Variants in TBC1D4 observed in about 807,000 individuals in gnomAD.
TBC1D4 encodes the protein TBC (Tre-2, BUB2, CDC16) domain-containing protein.
TBC1D4 carries 121 observed loss-of-function variants against 142.5 expected under a neutral mutation model. The ratio of observed to expected loss-of-function variants is 0.85; its 90% confidence interval spans 0.73 to 0.99. The LOEUF (loss-of-function observed/expected upper bound fraction) is 0.99. Ranked by LOEUF, TBC1D4 falls within the 50% of genes least tolerant of loss-of-function variation. The pLI, the probability that TBC1D4 is intolerant of heterozygous loss-of-function variation, is 0.00. For synonymous variants in TBC1D4, 630 were observed against 628.2 expected, an observed-to-expected ratio of 1.00 and a Z score of -0.04; for missense variants, 1,475 against 1,606.6, an observed-to-expected ratio of 0.92 and a Z score of 1.40.
At chr13:75,310,601 A>T (rs1248654778) in intron 13 of TBC1D4, among the ~76,000 whole-genome samples, 1 of 151,922 alleles carries the variant, frequency 6.6e-6, no homozygotes, top group Non-Finnish European at 1.5e-5. Context: ...TGAGCACAGT[A>T]CTCCCTCTGC....
intron 1 of TBC1D4, among the ~76,000 whole-genome samples, chr13:75,435,388 T>C (rs1886759743): frequency 6.6e-6 from 1 of 151,404 alleles, no homozygotes; most frequent in Admixed American, 6.6e-5. Context: ...AGTGACATAA[T>C]TAAAACATCT....
intron 3 of TBC1D4, among the ~76,000 whole-genome samples, chr13:75,358,621 G>A (rs1353512638): frequency 2.6e-5 from 4 of 152,096 alleles, no homozygotes; most frequent in Non-Finnish European, 5.9e-5. Flanking sequence ...GGCCAAAGCA[G>A]GAAGATCTTG....
Position 75,336,903 on chromosome 13 carries a change from C to T in TBC1D4, c.1731+18G>A. 6.2e-7 allele frequency: 1 copy of T among 1,613,248 alleles called. No individual in the cohort carries two copies. On this transcript the variant is annotated intron_variant, in intron 8 of 20. Transcript: ENST00000377636. The stretch of plus-strand genomic sequence containing the variant: ...AACACAGATATGCATACTTGAAAGA[C>T]CATTGGTGCAATCTTACCCTTGAGA...
At chr13:75,421,369 C>T (rs949043665) in intron 1 of TBC1D4, among the ~76,000 whole-genome samples, 1 of 152,198 alleles carries the variant, frequency 6.6e-6, no homozygotes, top group Non-Finnish European at 1.5e-5. Flanking sequence ...ACTTTGTGAA[C>T]TCAGCTGGGG....
At position 75,407,870 on chromosome 13, in the gene TBC1D4, G is replaced by GA. The variant is rs768556257; in HGVS notation, c.499-45264dup. 4.5e-3 allele frequency among the ~76,000 whole-genome samples: 642 copies of GA among 144,258 alleles called. 3 individuals carry two copies. Among genetic ancestry groups the GA allele is most frequent in the Non-Finnish European group, 7.2e-3 (473 of 65,440 alleles). The allele number at this position is 144,258 out of a possible 152,430, so 94.6% of individuals were successfully genotyped here. ...CGGCTTGATCAGGAGAGAGAAAATA[G>GA]AAAAAAAAAAGAAAAGAGATGGTAC... On this transcript the variant is annotated intron_variant, in intron 1 of 20. Transcript: ENST00000377636.
intron 4 of TBC1D4, among the ~76,000 whole-genome samples, chr13:75,353,790 T>TTGCACAC (rs1314360066): frequency 1.3e-5 from 2 of 152,128 alleles, no homozygotes; most frequent in African/African-American, 4.8e-5. Context: ...AACTAAAGCA[T>TTGCACAC]TGCACACTCT....
At position 75,383,633 on chromosome 13, in the gene TBC1D4, CTTA is replaced by C. The variant is rs925039678; in HGVS notation, c.499-21029_499-21027del. 9.9e-5 allele frequency among the ~76,000 whole-genome samples: 15 copies of C among 152,062 alleles called. No individual in the cohort carries two copies. In the South Asian group the frequency reaches 1.7e-3, roughly 17 times the overall value. ...CAGTATATTGTTATAATTGTTCTGT[CTTA>C]TTATTATTGTTGCTAATTTCTTGCT... On this transcript the variant is annotated intron_variant, in intron 1 of 20. Transcript: ENST00000377636.
At chr13:75,471,687 G>A (rs1254109700) in intron 1 of TBC1D4, among the ~76,000 whole-genome samples, 9 of 150,970 alleles carry the variant, frequency 6.0e-5, no homozygotes, top group African/African-American at 1.2e-4. Flanking sequence ...GCAGTGAGCC[G>A]AGATTGGGCC....
intron 14 of TBC1D4, among the ~76,000 whole-genome samples, chr13:75,309,125 A>T (rs1469399857): frequency 2.6e-5 from 4 of 152,174 alleles, no homozygotes; most frequent in Non-Finnish European, 5.9e-5. Flanking sequence ...GTTTCATTTT[A>T]CAAGTGTAAA....
At chr13:75,404,277 C>T (rs138685909) in intron 1 of TBC1D4, among the ~76,000 whole-genome samples, 32 of 152,280 alleles carry the variant, frequency 2.1e-4, no homozygotes, top group Non-Finnish European at 4.7e-4. Flanking sequence ...TTTAGATTTA[C>T]AGAAAAGGTG....
intron 1 of TBC1D4, among the ~76,000 whole-genome samples, chr13:75,419,590 G>A (rs949224026): frequency 2.0e-5 from 3 of 152,106 alleles, no homozygotes; most frequent in Admixed American, 6.6e-5. Flanking sequence ...TGAAATTACA[G>A]CAGGAAATGA....
intron 1 of TBC1D4, among the ~76,000 whole-genome samples, chr13:75,382,910 T>C (rs2138263299): frequency 6.6e-6 from 1 of 152,378 alleles, no homozygotes; most frequent in Middle Eastern, 3.4e-3. Flanking sequence ...CTTCTTTTAA[T>C]CTGTTTACTA....
At chr13:75,343,171 T>C (rs976221121) in intron 5 of TBC1D4, among the ~76,000 whole-genome samples, 1 of 152,236 alleles carries the variant, frequency 6.6e-6, no homozygotes, top group Admixed American at 6.5e-5. Context: ...ACTGATTTAA[T>C]AGATTTGAGC....
At position 75,359,854 on chromosome 13, in the gene TBC1D4, C is replaced by A; in HGVS notation, c.1085G>T (p.Gly362Val). 1 of 1,613,148 alleles carries A rather than the reference C, an allele frequency of 6.2e-7. No homozygotes were observed. Among genetic ancestry groups the A allele is most frequent in the Non-Finnish European group, 8.5e-7 (1 of 1,179,428 alleles). ...ACTGATAAGGTTAATCTCAAATCGC[C>A]CAACCTTAAAAATAAAAGCATTCCA... ...EKNRTMLFQV[G>V]RFEINLISPD... Residue 362 changes from glycine (G) to valine (V), a missense_variant, in exon 3 of 21, where the codon GGG (glycine) becomes GTG (valine). This residue lies in a region of TBC1D4 where 1,227 missense variants were observed against 1,267.7 expected (regional missense o/e 0.97). Transcript: ENST00000377636.
chr13:75,477,285 T>C (rs1232217794), intron 1 of TBC1D4, among the ~76,000 whole-genome samples: 6 of 152,130 alleles, frequency 3.9e-5, no homozygotes, highest in Admixed American at 3.3e-4. Flanking sequence ...TAAAAATATA[T>C]TGACAAAAAA....
chr13:75,447,388 T>C (rs796673589), intron 1 of TBC1D4, among the ~76,000 whole-genome samples: 45 of 152,242 alleles, frequency 3.0e-4, no homozygotes, highest in African/African-American at 9.9e-4. Context: ...TCTTCTAATA[T>C]AAATGCTAAA....
intron 1 of TBC1D4, among the ~76,000 whole-genome samples, chr13:75,414,116 C>G (rs967087405): frequency 3.3e-5 from 5 of 152,210 alleles, no homozygotes; most frequent in African/African-American, 1.2e-4. Context: ...TCCGCATTCC[C>G]ATGGTTGAGT....
intron 1 of TBC1D4, among the ~76,000 whole-genome samples, chr13:75,419,542 GATAA>G (rs1368114307): frequency 3.9e-5 from 6 of 152,156 alleles, no homozygotes; most frequent in African/African-American, 1.2e-4. Flanking sequence ...GTTAAAGGGG[GATAA>G]ATACTCTTCT....
intron 1 of TBC1D4, among the ~76,000 whole-genome samples, chr13:75,402,025 C>T (rs1193383284): frequency 6.6e-6 from 1 of 152,148 alleles, no homozygotes; most frequent in Non-Finnish European, 1.5e-5. Context: ...TTGAGCCCTT[C>T]CTCCTGCATC....
Sources: gnomAD v4.1 joint callset for allele counts (sites outside exome capture counted in the v4.1 genomes callset) on GRCh38, gnomAD v4.1.1 for gene constraint, gnomAD v4.1.1 regional missense constraint, MANE v1.5 for transcripts, NCBI Gene and HGNC (gene_info 2026-07-23, HGNC 2026-07-21) for gene names.